The following SUGCT variants were observed in gnomAD, a reference collection of about 807,000 sequenced individuals.
SUGCT encodes the protein succinyl-CoA:glutarate-CoA transferase.
In SUGCT, 41 loss-of-function variants were observed where a neutral mutation model predicts 55.0. That is an observed-to-expected ratio of 0.74 (90% CI 0.58 to 0.97). The LOEUF is 0.97. Among genes scored for constraint, SUGCT ranks in the 50% least tolerant of loss-of-function variants. SUGCT has a pLI of 0.00. For synonymous variants in SUGCT, 187 were observed against 200.4 expected (o/e 0.93, Z 0.56); for missense variants, 568 against 547.8 (o/e 1.04, Z -0.37).
At chr7:40,136,943 C>T (rs915449444) in intron 1 of SUGCT, among the ~76,000 whole-genome samples, 1 of 151,864 alleles carries the variant, frequency 6.6e-6, no homozygotes, top group African/African-American at 2.4e-5. Flanking sequence ...TGCAGTGATC[C>T]GCTATTGTGC....
intron 12 of SUGCT, among the ~76,000 whole-genome samples, chr7:40,712,767 C>G (rs6956181): frequency 0.17 from 25,243 of 152,238 alleles, 2,581 homozygotes; most frequent in Non-Finnish European, 0.23. Flanking sequence ...TTGGCACATG[C>G]AGGCCTCACA....
At chr7:40,620,973 C>A (rs1044865906) in intron 12 of SUGCT, among the ~76,000 whole-genome samples, 6 of 152,074 alleles carry the variant, frequency 3.9e-5, no homozygotes, top group African/African-American at 1.4e-4. Flanking sequence ...GAAGGCAAAC[C>A]ACCATGATAA....
At chr7:40,841,347 T>C (rs1793272409) in intron 13 of SUGCT, among the ~76,000 whole-genome samples, 1 of 152,198 alleles carries the variant, frequency 6.6e-6, no homozygotes. Flanking sequence ...AGAGTATTTA[T>C]ATTTCAAATT....
chr7:40,541,683 T>A (rs566904843), intron 12 of SUGCT, among the ~76,000 whole-genome samples: 2 of 152,148 alleles, frequency 1.3e-5, no homozygotes, highest in Admixed American at 1.3e-4. Flanking sequence ...TGAAATATAT[T>A]AGAGTAGTTT....
At chr7:40,287,325 A>G (rs1793417051) in intron 8 of SUGCT, among the ~76,000 whole-genome samples, 1 of 152,096 alleles carries the variant, frequency 6.6e-6, no homozygotes, top group Admixed American at 6.6e-5. Context: ...TCTCCTCTCC[A>G]ATATGAATGC....
intron 12 of SUGCT, among the ~76,000 whole-genome samples, chr7:40,687,655 C>T (rs1311017886): frequency 6.6e-6 from 1 of 152,136 alleles, no homozygotes; most frequent in Non-Finnish European, 1.5e-5. Context: ...CCACAAACAC[C>T]ATACCGTTAT....
chr7:41,032,300 T>G, the SUGCT span, among the ~76,000 whole-genome samples: 2 of 152,118 alleles, frequency 1.3e-5, no homozygotes, highest in Admixed American at 6.5e-5. Context: ...GGGGACAATG[T>G]CCTACATTTT....
At chr7:40,293,979 G>A (rs1008709703) in intron 8 of SUGCT, among the ~76,000 whole-genome samples, 2 of 151,652 alleles carry the variant, frequency 1.3e-5, no homozygotes, top group South Asian at 2.1e-4. Context: ...TTGGAGTCTC[G>A]CTCTGTTGCT....
chr7:40,547,083 T>C (rs935059622), intron 12 of SUGCT, among the ~76,000 whole-genome samples: 1 of 152,146 alleles, frequency 6.6e-6, no homozygotes, highest in Non-Finnish European at 1.5e-5. Flanking sequence ...ATGTGACTTA[T>C]GAGTAATTGA....
At chr7:40,829,153 GT>G (rs1792519988) in intron 13 of SUGCT, among the ~76,000 whole-genome samples, 1 of 152,116 alleles carries the variant, frequency 6.6e-6, no homozygotes, top group Non-Finnish European at 1.5e-5. Flanking sequence ...TCCTTATATG[GT>G]TCCAGGAACT....
At chr7:40,208,264 G>A (rs1422293534) in intron 6 of SUGCT, among the ~76,000 whole-genome samples, 1 of 152,094 alleles carries the variant, frequency 6.6e-6, no homozygotes, top group Non-Finnish European at 1.5e-5. Context: ...GATGGATGGT[G>A]GTGATAGTTA....
At chr7:40,583,660 T>TATA (rs1797218782) in intron 12 of SUGCT, among the ~76,000 whole-genome samples, 3 of 152,196 alleles carry the variant, frequency 2.0e-5, no homozygotes, top group Admixed American at 1.3e-4. Context: ...ATGCATAAAT[T>TATA]GGCAAAGTAT....
intron 9 of SUGCT, among the ~76,000 whole-genome samples, chr7:40,350,351 T>C (rs545452607): frequency 6.6e-6 from 1 of 151,264 alleles, no homozygotes; most frequent in East Asian, 1.9e-4. Context: ...TCTCACTCTG[T>C]TGCCCAGGCA....
At chr7:40,348,912 A>T in intron 9 of SUGCT, among the ~76,000 whole-genome samples, 1 of 151,598 alleles carries the variant, frequency 6.6e-6, no homozygotes. Flanking sequence ...TATTTCCCTG[A>T]GTTGTTTTGA....
At chr7:41,022,152 C>T in the SUGCT span, among the ~76,000 whole-genome samples, 1 of 152,000 alleles carries the variant, frequency 6.6e-6, no homozygotes, top group African/African-American at 2.4e-5. Flanking sequence ...ACCTAGATAC[C>T]TTGTATGTGA....
At chr7:40,478,057 G>A (rs1334413756) in intron 11 of SUGCT, among the ~76,000 whole-genome samples, 1 of 152,130 alleles carries the variant, frequency 6.6e-6, no homozygotes, top group African/African-American at 2.4e-5. Context: ...CAGAGGTGCA[G>A]TCATAGCTCA....
chr7:40,308,160 CTTGCCTGGAA>C (rs1323706330), intron 8 of SUGCT, among the ~76,000 whole-genome samples: 3 of 152,070 alleles, frequency 2.0e-5, no homozygotes, highest in Non-Finnish European at 4.4e-5. Context: ...TGTAGGGGGA[CTTGCCTGGAA>C]TATAAAATGT....
chr7:40,413,915 A>G (rs561867369), intron 9 of SUGCT, among the ~76,000 whole-genome samples: 1 of 152,322 alleles, frequency 6.6e-6, no homozygotes, highest in South Asian at 2.1e-4. Context: ...ATACTAGTTC[A>G]GGACTTGGGA....
intron 13 of SUGCT, among the ~76,000 whole-genome samples, chr7:40,771,965 A>G (rs1020607481): frequency 1.3e-5 from 2 of 152,104 alleles, no homozygotes; most frequent in African/African-American, 4.8e-5. Flanking sequence ...GTTAATTAGC[A>G]TAGTATTTTT....
Sources: allele counts gnomAD v4.1 joint callset (sites outside exome capture counted in the v4.1 genomes callset), GRCh38; gene constraint gnomAD v4.1.1; transcripts MANE v1.5; gene names NCBI Gene and HGNC (gene_info 2026-07-23, HGNC 2026-07-21).